DPP6: variants seen among roughly 807,000 people sequenced by gnomAD.
DPP6 encodes the protein A-type potassium channel modulatory protein DPP6.
A neutral mutation model predicts 122.6 loss-of-function variants in DPP6; 69 were observed. That is an observed-to-expected ratio of 0.56 (90% CI 0.46 to 0.69). DPP6 has a LOEUF of 0.69. Among genes scored for constraint, DPP6 ranks in the 30% least tolerant of loss-of-function variants. DPP6 has a pLI of 0.00. For synonymous variants in DPP6, 418 were observed against 433.1 expected, an observed-to-expected ratio of 0.97 and a Z score of 0.43; for missense variants, 928 against 1,116.9, an observed-to-expected ratio of 0.83 and a Z score of 2.41.
At position 154,305,573 on chromosome 7, in the gene DPP6, C is replaced by CGTGT. The variant is rs143438546; in HGVS notation, c.244-140629_244-140626dup. 354 of 1,541,720 alleles carry CGTGT rather than the reference C, an allele frequency of 2.3e-4. 1 individual carries two copies. The highest frequency in any genetic ancestry group is 7.9e-4 in the African/African-American group (57 of 72,528). On this transcript the variant is annotated intron_variant, in intron 1 of 25. Coordinates refer to ENST00000377770, the MANE Select transcript of DPP6 (RefSeq NM_130797.4). Reference sequence around the variant, plus strand: ...ACAGGTAATGCTGCTTTTGGGGGTCCGTGTGTGTGTGTGTGCGTGCGTGTG... The same window carrying CGTGT: ...ACAGGTAATGCTGCTTTTGGGGGTCCGTGTGTGTGTGTGTGTGTGCGTGCGTGTG...
At chr7:153,887,493 G>C (rs1798981756) in exon 1 of DPP6, 1 of 562,312 alleles carries the variant, frequency 1.8e-6, no homozygotes, top group Non-Finnish European at 3.2e-6. Flanking sequence ...TTGCTATTGG[G>C]ATCCGCTGAG....
chr7:153,863,687 C>T, the DPP6 span, among the ~76,000 whole-genome samples: 1 of 152,070 alleles, frequency 6.6e-6, no homozygotes, highest in Non-Finnish European at 1.5e-5. Context: ...TTTGTCACTC[C>T]AGGAAGAAAC....
intron 5 of DPP6, among the ~76,000 whole-genome samples, chr7:154,620,281 A>G (rs1441023703): frequency 6.6e-6 from 1 of 152,228 alleles, no homozygotes; most frequent in Admixed American, 6.5e-5. Flanking sequence ...CCCTGAGCAT[A>G]TGGTGACTAT....
At chr7:154,099,445 G>GA (rs1232140562) in intron 1 of DPP6, among the ~76,000 whole-genome samples, 3 of 151,712 alleles carry the variant, frequency 2.0e-5, no homozygotes, top group East Asian at 3.9e-4. Flanking sequence ...AATTATAAAG[G>GA]AAAAAAATCA....
intron 3 of DPP6, among the ~76,000 whole-genome samples, chr7:154,494,009 T>C (rs1824509865): frequency 6.6e-6 from 1 of 152,144 alleles, no homozygotes; most frequent in Admixed American, 6.5e-5. Context: ...AGATGGAAAG[T>C]GGAAAGCTCA....
intron 1 of DPP6, among the ~76,000 whole-genome samples, chr7:154,418,741 C>T (rs781160692): frequency 6.6e-6 from 1 of 152,196 alleles, no homozygotes; most frequent in Non-Finnish European, 1.5e-5. Flanking sequence ...TTTGTAATGA[C>T]CTTTATATCT....
intron 1 of DPP6, among the ~76,000 whole-genome samples, chr7:154,338,267 C>G (rs981351720): frequency 6.6e-6 from 1 of 152,134 alleles, no homozygotes; most frequent in Non-Finnish European, 1.5e-5. Flanking sequence ...TGTCCCAGAG[C>G]CCCTCTGATA....
chr7:154,380,098 A>G (rs1456322007), intron 1 of DPP6, among the ~76,000 whole-genome samples: 1 of 152,232 alleles, frequency 6.6e-6, no homozygotes, highest in Non-Finnish European at 1.5e-5. Context: ...TAAATTGAAA[A>G]AACACACACA....
At chr7:154,251,440 G>C (rs1188725753) in intron 1 of DPP6, among the ~76,000 whole-genome samples, 1 of 152,214 alleles carries the variant, frequency 6.6e-6, no homozygotes, top group Non-Finnish European at 1.5e-5. Context: ...TGGCATATTA[G>C]TCAGGGTTCT....
intron 2 of DPP6, among the ~76,000 whole-genome samples, chr7:154,471,847 A>G (rs1219028521): frequency 6.6e-6 from 1 of 152,208 alleles, no homozygotes; most frequent in African/African-American, 2.4e-5. Flanking sequence ...ACTATAAAAT[A>G]TGAGTAGATG....
chr7:153,814,997 G>C, the DPP6 span, among the ~76,000 whole-genome samples: 2 of 152,244 alleles, frequency 1.3e-5, no homozygotes, highest in East Asian at 3.9e-4. Context: ...CCCACAGCCA[G>C]TATCATACTG....
At chr7:153,804,095 G>A in the DPP6 span, among the ~76,000 whole-genome samples, 1 of 151,388 alleles carries the variant, frequency 6.6e-6, no homozygotes, top group Non-Finnish European at 1.5e-5. Context: ...TGTTGCTCAG[G>A]CTGGAGTGCA....
At chr7:154,553,208 A>G (rs1829760861) in intron 4 of DPP6, among the ~76,000 whole-genome samples, 2 of 152,258 alleles carry the variant, frequency 1.3e-5, no homozygotes, top group South Asian at 4.1e-4. Context: ...CTTTGAAGAC[A>G]CAGGAGAAGT....
At chr7:153,941,453 A>G (rs921958356) in intron 1 of DPP6, among the ~76,000 whole-genome samples, 1 of 152,162 alleles carries the variant, frequency 6.6e-6, no homozygotes, top group Non-Finnish European at 1.5e-5. Flanking sequence ...TTGGTGGTTA[A>G]CAATTCATCC....
At chr7:153,838,620 C>T in the DPP6 span, among the ~76,000 whole-genome samples, 1 of 152,116 alleles carries the variant, frequency 6.6e-6, no homozygotes, top group Non-Finnish European at 1.5e-5. Flanking sequence ...ATTAAAATAA[C>T]AGAAACCAAG....
chr7:154,465,541 G>A (rs1187237136), intron 2 of DPP6, among the ~76,000 whole-genome samples: 1 of 152,092 alleles, frequency 6.6e-6, no homozygotes, highest in African/African-American at 2.4e-5. Context: ...CAAAAAGTGG[G>A]CAAAGGATAT....
the DPP6 span, among the ~76,000 whole-genome samples, chr7:153,861,036 GTCTC>G: frequency 1.3e-5 from 2 of 152,140 alleles, no homozygotes; most frequent in African/African-American, 4.8e-5. Flanking sequence ...GAAAGTTATG[GTCTC>G]TTCAGCTATT....
At chr7:154,576,724 T>C (rs1040948897) in intron 5 of DPP6, among the ~76,000 whole-genome samples, 1 of 152,070 alleles carries the variant, frequency 6.6e-6, no homozygotes, top group Non-Finnish European at 1.5e-5. Context: ...ACCAGGCTCT[T>C]GGGGGAGGAG....
chr7:154,864,730 C>G (rs1486789579), intron 17 of DPP6, among the ~76,000 whole-genome samples: 1 of 152,198 alleles, frequency 6.6e-6, no homozygotes, highest in Non-Finnish European at 1.5e-5. Context: ...ATTTAATAGT[C>G]TGTTGCTTTG....
Sources: gnomAD v4.1 joint callset for allele counts (sites outside exome capture counted in the v4.1 genomes callset) on GRCh38, gnomAD v4.1.1 for gene constraint, MANE v1.5 for transcripts, NCBI Gene and HGNC (gene_info 2026-07-23, HGNC 2026-07-21) for gene names.